The following ANK2 variants were observed in gnomAD, a reference collection of about 807,000 sequenced individuals.
ANK2 encodes the protein ankyrin 2, also known as ankyrin-2.
Under a neutral mutation model 360.5 loss-of-function variants are expected in ANK2, and 83 were observed. That is an observed-to-expected ratio of 0.23 (90% CI 0.19 to 0.28). The LOEUF is 0.28. Ranked by LOEUF, ANK2 falls within the 10% of genes least tolerant of loss-of-function variation. The pLI is 1.00. For synonymous variants in ANK2, 1,740 were observed against 1,759.5 expected, an observed-to-expected ratio of 0.99 and a Z score of 0.28; for missense variants, 4,201 against 4,795.7, an observed-to-expected ratio of 0.88 and a Z score of 3.66.
At chr4:113,066,967 G>A (rs1488152072) in intron 1 of ANK2, among the ~76,000 whole-genome samples, 1 of 151,904 alleles carries the variant, frequency 6.6e-6, no homozygotes, top group Admixed American at 6.6e-5. Flanking sequence ...CATTATGTGA[G>A]TGTTTTGTTG....
intron 2 of ANK2, among the ~76,000 whole-genome samples, chr4:113,186,587 T>C (rs1276133291): frequency 2.1e-5 from 1 of 46,854 alleles, no homozygotes; most frequent in African/African-American, 1.5e-4. Context: ...TCTCTCTCTC[T>C]TCTCTCTCTC....
chr4:113,156,780 C>CTATATA (rs10599338), intron 1 of ANK2, among the ~76,000 whole-genome samples: 1 of 148,190 alleles, frequency 6.7e-6, no homozygotes, highest in African/African-American at 2.5e-5. Flanking sequence ...TTCAAATGTC[C>CTATATA]TATATATATA....
intron 2 of ANK2, among the ~76,000 whole-genome samples, chr4:112,983,472 A>T (rs562395494): frequency 6.6e-5 from 10 of 151,862 alleles, no homozygotes; most frequent in Admixed American, 2.0e-4. Flanking sequence ...AGGTTGGGAG[A>T]TCGAGACCAG....
chr4:113,030,288 C>T (rs1334300388), intron 2 of ANK2, among the ~76,000 whole-genome samples: 1 of 152,050 alleles, frequency 6.6e-6, no homozygotes, highest in Admixed American at 6.6e-5. Context: ...TCTTCTTAAA[C>T]AAGGTGGTCA....
chr4:112,730,375 G>A, the ANK2 span, among the ~76,000 whole-genome samples: 2 of 151,132 alleles, frequency 1.3e-5, no homozygotes, highest in Non-Finnish European at 2.9e-5. Context: ...AGTGGCTCAC[G>A]CCTGTAATCC....
At chr4:113,200,028 C>T (rs549016708) in intron 4 of ANK2, among the ~76,000 whole-genome samples, 2 of 152,128 alleles carry the variant, frequency 1.3e-5, no homozygotes, top group South Asian at 2.1e-4. Context: ...TTAAATCAGC[C>T]CTATTTTCTT....
chr4:112,974,495 A>G (rs2040670484), intron 2 of ANK2, among the ~76,000 whole-genome samples: 1 of 152,308 alleles, frequency 6.6e-6, no homozygotes, highest in Admixed American at 6.5e-5. Flanking sequence ...CTGTGAAGAG[A>G]GGGAAAATGA....
intron 1 of ANK2, 94 bp downstream of exon 1, chr4:113,049,906 G>A (rs2066172893): frequency 9.0e-6 from 13 of 1,438,682 alleles, no homozygotes; most frequent in South Asian, 1.2e-5. Flanking sequence ...AAACCGTGGA[G>A]CATTATGAGT....
chr4:113,096,807 A>G (rs1469874053), intron 1 of ANK2, among the ~76,000 whole-genome samples: 1 of 151,986 alleles, frequency 6.6e-6, no homozygotes, highest in African/African-American at 2.4e-5. Flanking sequence ...ATAGAAAAAA[A>G]CCCAGTAAGT....
At chr4:113,140,841 G>T (rs1471213853) in intron 1 of ANK2, among the ~76,000 whole-genome samples, 2 of 152,060 alleles carry the variant, frequency 1.3e-5, no homozygotes, top group Non-Finnish European at 2.9e-5. Flanking sequence ...AGCCAGGCGT[G>T]GTGGTGCACG....
At chr4:113,319,776 A>T (rs1359893151) in intron 26 of ANK2, among the ~76,000 whole-genome samples, 1 of 152,174 alleles carries the variant, frequency 6.6e-6, no homozygotes, top group African/African-American at 2.4e-5. Flanking sequence ...ATTCAAATTT[A>T]CTTGCTTTTT....
At chr4:113,282,625 A>C (rs746862888) in intron 17 of ANK2, 50 bp from the exon 18 acceptor site, 1 of 1,470,438 alleles carries the variant, frequency 6.8e-7, no homozygotes, top group South Asian at 1.2e-5. Flanking sequence ...GTATTAGAGC[A>C]ATTGTTAATC....
chr4:113,287,813 C>G (rs994703430), intron 19 of ANK2, 110 bp downstream of exon 19: 8 of 883,402 alleles, frequency 9.1e-6, no homozygotes, highest in African/African-American at 1.7e-5. Flanking sequence ...AGAGTCCATT[C>G]TGAAATATAA....
chr4:113,356,290 A>G lies in ANK2; in HGVS notation c.7672A>G (p.Ser2558Gly). Residue 2558 changes from serine (S) to glycine (G), a missense_variant, in exon 38 of 46, where the codon AGT (serine) becomes GGT (glycine). Ser to Gly is a moderately conservative substitution (Grantham distance 56, BLOSUM62 0). Transcript: ENST00000357077. ...YEVTPKTTDV[S>G]TPKPAVIHEC... ...GGTTACACCCAAAACCACAGATGTA[A>G]GTACACCAAAACCAGCTGTGATTCA... is the stretch of plus-strand genomic sequence containing the variant. 6.2e-7 allele frequency: 1 copy of G among 1,614,150 alleles called. No homozygotes were observed.
intron 1 of ANK2, among the ~76,000 whole-genome samples, chr4:113,146,176 A>T (rs1271486377): frequency 6.6e-6 from 1 of 152,116 alleles, no homozygotes; most frequent in Non-Finnish European, 1.5e-5. Context: ...CTTCCTCTTC[A>T]TGTTATGCAA....
At chr4:112,899,572 A>G (rs886668147) in intron 1 of ANK2, among the ~76,000 whole-genome samples, 1 of 152,214 alleles carries the variant, frequency 6.6e-6, no homozygotes, top group African/African-American at 2.4e-5. Context: ...TTTTATGAAT[A>G]GTAGAAATAA....
intron 2 of ANK2, among the ~76,000 whole-genome samples, chr4:112,934,504 A>C (rs1001424109): frequency 2.0e-5 from 3 of 151,934 alleles, no homozygotes; most frequent in Non-Finnish European, 4.4e-5. Flanking sequence ...ACTTTTCTAT[A>C]TTTTCAACAT....
At chr4:112,990,247 T>C (rs1226688260) in intron 2 of ANK2, among the ~76,000 whole-genome samples, 1 of 152,080 alleles carries the variant, frequency 6.6e-6, no homozygotes, top group Non-Finnish European at 1.5e-5. Context: ...CCAGCCTGGG[T>C]GACAGAGTGA....
intron 4 of ANK2, among the ~76,000 whole-genome samples, chr4:113,228,172 T>G (rs2153519122): frequency 6.6e-6 from 1 of 152,302 alleles, no homozygotes; most frequent in South Asian, 2.1e-4. Flanking sequence ...CTTCCTTGAT[T>G]TTTTTTGTTT....
Sources: allele counts gnomAD v4.1 joint callset (sites outside exome capture counted in the v4.1 genomes callset), GRCh38; gene constraint gnomAD v4.1.1; transcripts MANE v1.5; gene names NCBI Gene and HGNC (gene_info 2026-07-23, HGNC 2026-07-21).